Variants in CMTM8 observed in about 807,000 individuals in gnomAD.
CMTM8 encodes CKLF like MARVEL transmembrane domain containing 8, also known as CKLF-like MARVEL transmembrane domain-containing protein 8.
A neutral mutation model predicts 18.6 loss-of-function variants in CMTM8; 12 were observed. The ratio of observed to expected loss-of-function variants is 0.65; its 90% CI spans 0.41 to 1.05. CMTM8 has a LOEUF of 1.05. Among genes scored for constraint, CMTM8 ranks in the 50% least tolerant of loss-of-function variants. The pLI is 0.00. For synonymous variants in CMTM8, 87 were observed against 90.6 expected, an observed-to-expected ratio of 0.96 and a Z score of 0.23; for missense variants, 217 against 227.2, an observed-to-expected ratio of 0.95 and a Z score of 0.29.
chr3:32,346,874 G>A (rs558739264), intron 1 of CMTM8, among the ~76,000 whole-genome samples: 1 of 147,408 alleles, frequency 6.8e-6, no homozygotes, highest in Non-Finnish European at 1.5e-5. Context: ...AAGCTAGAAT[G>A]CAGTGGCACA....
intron 1 of CMTM8, among the ~76,000 whole-genome samples, chr3:32,245,149 C>CCA (rs1701992848): frequency 6.6e-6 from 1 of 152,084 alleles, no homozygotes; most frequent in African/African-American, 2.4e-5. Flanking sequence ...TGTTTCAAAC[C>CCA]TTTGCAATCC....
chr3:32,321,534 A>G (rs549849659), intron 1 of CMTM8, among the ~76,000 whole-genome samples: 18 of 152,204 alleles, frequency 1.2e-4, no homozygotes, highest in Middle Eastern at 3.4e-3. Context: ...TGCAACCACA[A>G]TCTGCTAAAT....
At chr3:32,353,750 G>A (rs1696757750) in intron 1 of CMTM8, among the ~76,000 whole-genome samples, 5 of 152,008 alleles carry the variant, frequency 3.3e-5, no homozygotes, top group Admixed American at 3.3e-4. Context: ...GGATAGGGAA[G>A]GGCGTTGTCA....
intron 2 of CMTM8, among the ~76,000 whole-genome samples, chr3:32,361,562 T>G (rs939425091): frequency 9.9e-5 from 15 of 152,256 alleles, no homozygotes; most frequent in Non-Finnish European, 2.2e-4. Flanking sequence ...ATTGGTAGAC[T>G]TGGTTTTAGT....
chr3:32,322,508 G>C (rs535536069), intron 1 of CMTM8, among the ~76,000 whole-genome samples: 3 of 152,302 alleles, frequency 2.0e-5, no homozygotes, highest in South Asian at 4.1e-4. Flanking sequence ...TGGCTGGCCT[G>C]CTTCTCATGC....
At chr3:32,367,530 G>A (rs961266775) in intron 2 of CMTM8, among the ~76,000 whole-genome samples, 3 of 152,198 alleles carry the variant, frequency 2.0e-5, no homozygotes, top group African/African-American at 4.8e-5. Flanking sequence ...TGAGCCCACC[G>A]AGTGGGCGCC....
chr3:32,357,425 T>A lies in CMTM8; in HGVS notation c.200T>A (p.Val67Asp), dbSNP rs1575094310. ...TLIAGTEYFR[V>D]PAFGWVMFVA... ...ATTGCTGGAACTGAGTACTTCCGGGTCCCCGCATTTGGCTGGGTCATGTTT... is the reference window on the plus strand; with the variant it reads ...ATTGCTGGAACTGAGTACTTCCGGGACCCCGCATTTGGCTGGGTCATGTTT... The change falls in exon 2 of 4, where the codon GTC (valine) becomes GAC (aspartate). Residue 67 changes from valine (V) to aspartate (D), a missense_variant. Transcript: ENST00000307526. The A allele has an allele frequency of 6.2e-7, 1 of 1,614,038 alleles. No homozygotes were observed. Among genetic ancestry groups the A allele is most frequent in the Middle Eastern group, 1.7e-4 (1 of 6,050 alleles).
At position 32,239,053 on chromosome 3, in the gene CMTM8, C is replaced by T. The variant is rs1304487923; in HGVS notation, c.81C>T (p.Ser27=). ...SSFAENFSTS[S]SSFAYDREFL... ...TCGCAGAGAACTTCTCCACCAGCAG[C>T]AGCAGCTTCGCCTACGACCGGGAGT... Residue 27 remains serine, a synonymous_variant, in exon 1 of 4, where the codon AGC becomes AGT. Transcript: ENST00000307526. 4 of 1,594,064 alleles carry T rather than the reference C, an allele frequency of 2.5e-6. No individual in the cohort carries two copies. The South Asian group carries it at 4.6e-5, about 18-fold the overall frequency.
intron 1 of CMTM8, among the ~76,000 whole-genome samples, chr3:32,322,383 G>A (rs1327966609): frequency 6.6e-6 from 1 of 152,176 alleles, no homozygotes; most frequent in Non-Finnish European, 1.5e-5. Context: ...TCAGTGAGGA[G>A]CAGGCATGAG....
In CMTM8 at chr3:32,298,802, T is replaced by C. The variant is rs551265025; in HGVS notation, c.148-58571T>C. Among the ~76,000 whole-genome samples the C allele has an allele frequency of 8.0e-4, 108 of 134,790 alleles. 2 individuals carry two copies. Among genetic ancestry groups the C allele is most frequent in the African/African-American group, 3.1e-3 (105 of 33,542 alleles). The allele number at this position is 134,790 out of a possible 152,430, so 88.4% of individuals were successfully genotyped here. A position where few individuals can be genotyped will look rare whatever the true frequency, so the allele number is the denominator to read the frequency against. Reference sequence around the variant, plus strand: ...CATGCGCCACCACACCCAGCTAATATATATATATATATACACGTGTGTATG... The same window carrying C: ...CATGCGCCACCACACCCAGCTAATACATATATATATATACACGTGTGTATG... On this transcript the variant is annotated intron_variant, in intron 1 of 3. Coordinates refer to ENST00000307526, the MANE Select transcript of CMTM8 (RefSeq NM_178868.5).
chr3:32,347,512 C>T (rs116335741), intron 1 of CMTM8, among the ~76,000 whole-genome samples: 192 of 148,004 alleles, frequency 1.3e-3, no homozygotes, highest in Middle Eastern at 3.6e-3. Flanking sequence ...GGGGCAGGGA[C>T]GGGGGCTTTA....
intron 1 of CMTM8, among the ~76,000 whole-genome samples, chr3:32,258,032 A>G (rs948466329): frequency 6.6e-6 from 1 of 152,172 alleles, no homozygotes; most frequent in African/African-American, 2.4e-5. Context: ...GACTATTTCC[A>G]GAAGTCGCTG....
At chr3:32,354,273 G>C (rs960179512) in intron 1 of CMTM8, among the ~76,000 whole-genome samples, 1 of 152,118 alleles carries the variant, frequency 6.6e-6, no homozygotes, top group Middle Eastern at 3.2e-3. Flanking sequence ...TAACATTTTT[G>C]AAGACTGGTT....
intron 1 of CMTM8, among the ~76,000 whole-genome samples, chr3:32,332,098 T>C (rs780027242): frequency 1.3e-5 from 2 of 152,102 alleles, no homozygotes; most frequent in Non-Finnish European, 2.9e-5. Flanking sequence ...AACACCTTAA[T>C]TGTGAGGCAA....
intron 1 of CMTM8, among the ~76,000 whole-genome samples, chr3:32,321,256 T>C (rs2125577505): frequency 6.6e-6 from 1 of 151,966 alleles, no homozygotes; most frequent in East Asian, 1.9e-4. Context: ...GAGGCTCGGG[T>C]CACATGTCAG....
At chr3:32,341,409 T>C (rs1465839851) in intron 1 of CMTM8, among the ~76,000 whole-genome samples, 1 of 152,192 alleles carries the variant, frequency 6.6e-6, no homozygotes, top group Non-Finnish European at 1.5e-5. Context: ...AGGCTTATGG[T>C]CTGCCAAACT....
chr3:32,285,512 C>CAAAA (rs140584675), intron 1 of CMTM8, among the ~76,000 whole-genome samples: 2,448 of 100,536 alleles, frequency 0.024, 68 homozygotes, highest in African/African-American at 0.075. Flanking sequence ...GATTCTATCT[C>CAAAA]AAAAAAAAAA....
At chr3:32,359,493 G>C (rs1395965663) in intron 2 of CMTM8, among the ~76,000 whole-genome samples, 1 of 152,178 alleles carries the variant, frequency 6.6e-6, no homozygotes, top group Non-Finnish European at 1.5e-5. Flanking sequence ...GGGAGGCTGA[G>C]GCAGGAGAAT....
At chr3:32,347,152 A>G (rs1696612855) in intron 1 of CMTM8, among the ~76,000 whole-genome samples, 1 of 152,116 alleles carries the variant, frequency 6.6e-6, no homozygotes, top group South Asian at 2.1e-4. Context: ...ATTTAAGTCA[A>G]TATTCTGTGT....
Sources: gnomAD v4.1 joint callset for allele counts (sites outside exome capture counted in the v4.1 genomes callset) on GRCh38, gnomAD v4.1.1 for gene constraint, MANE v1.5 for transcripts, NCBI Gene and HGNC (gene_info 2026-07-23, HGNC 2026-07-21) for gene names.